The following GALNTL6 variants were observed in gnomAD, a reference collection of about 807,000 sequenced individuals.
GALNTL6 encodes the protein polypeptide N-acetylgalactosaminyltransferase-like 6.
GALNTL6 carries 46 observed loss-of-function variants against 73.7 expected under a neutral mutation model. The observed-to-expected ratio is 0.62, with a 90% CI of 0.49 to 0.80. GALNTL6 has a LOEUF of 0.80. Among genes scored for constraint, GALNTL6 ranks in the 30% least tolerant of loss-of-function variants. GALNTL6 has a pLI of 0.00. For missense variants in GALNTL6, 604 were observed against 755.0 expected (o/e 0.80, Z 2.34); for synonymous variants, 259 against 263.7 (o/e 0.98, Z 0.17).
At chr4:172,370,822 C>T (rs1364450230) in intron 5 of GALNTL6, among the ~76,000 whole-genome samples, 1 of 151,960 alleles carries the variant, frequency 6.6e-6, no homozygotes, top group African/African-American at 2.4e-5. Context: ...TATGGAGAGT[C>T]ACTGCTGCTA....
intron 5 of GALNTL6, among the ~76,000 whole-genome samples, chr4:172,522,148 A>T (rs1169278457): frequency 1.3e-5 from 2 of 152,202 alleles, no homozygotes; most frequent in African/African-American, 4.8e-5. Context: ...TGAAATTTTG[A>T]TTAAATCTTT....
intron 10 of GALNTL6, among the ~76,000 whole-genome samples, chr4:172,959,112 T>C (rs984493034): frequency 6.6e-5 from 10 of 152,132 alleles, no homozygotes; most frequent in Non-Finnish European, 1.3e-4. Context: ...CGGGATGGGA[T>C]ATTGGCATTG....
At chr4:172,416,457 A>G (rs186268862) in intron 5 of GALNTL6, among the ~76,000 whole-genome samples, 1 of 152,196 alleles carries the variant, frequency 6.6e-6, no homozygotes, top group East Asian at 1.9e-4. Context: ...AAACGAATAC[A>G]ATGACCATTA....
At chr4:172,364,004 CTGTTA>C (rs1421846304) in intron 5 of GALNTL6, among the ~76,000 whole-genome samples, 8 of 152,248 alleles carry the variant, frequency 5.3e-5, no homozygotes, top group African/African-American at 1.9e-4. Flanking sequence ...ATCCCATCAT[CTGTTA>C]TGTTATTCCC....
At position 172,056,163 on chromosome 4, in the gene GALNTL6, C is replaced by T. The variant is rs115690506; in HGVS notation, c.139-173493C>T. On this transcript the variant is annotated intron_variant, in intron 2 of 12. Coordinates refer to ENST00000506823, the MANE Select transcript of GALNTL6 (RefSeq NM_001034845.3). The stretch of plus-strand genomic sequence containing the variant: ...TGACACTTAACGAAAAAAATGCTGC[C>T]ATTTAGCCATTTTATCACATAATAT... Among the ~76,000 whole-genome samples, 604 of 152,124 alleles carry T rather than the reference C, an allele frequency of 4.0e-3. 2 individuals are homozygous for T. The highest frequency in any genetic ancestry group is 0.012 in the African/African-American group (506 of 41,496).
intron 5 of GALNTL6, among the ~76,000 whole-genome samples, chr4:172,687,938 G>A (rs1733032445): frequency 6.6e-6 from 1 of 152,164 alleles, no homozygotes; most frequent in Non-Finnish European, 1.5e-5. Context: ...GAAACTCAAT[G>A]TGTATGGCCT....
At chr4:172,329,245 G>A (rs1741044148) in intron 4 of GALNTL6, among the ~76,000 whole-genome samples, 1 of 152,178 alleles carries the variant, frequency 6.6e-6, no homozygotes, top group Non-Finnish European at 1.5e-5. Context: ...CCTCTTACTG[G>A]GAGCTCTGTC....
intron 6 of GALNTL6, among the ~76,000 whole-genome samples, chr4:172,810,125 A>G (rs1283198878): frequency 6.6e-6 from 1 of 152,162 alleles, no homozygotes; most frequent in Non-Finnish European, 1.5e-5. Flanking sequence ...AGTTCTTTGT[A>G]TTTACATAGA....
At chr4:172,006,313 C>T (rs1317274422) in intron 2 of GALNTL6, among the ~76,000 whole-genome samples, 1 of 152,082 alleles carries the variant, frequency 6.6e-6, no homozygotes, top group African/African-American at 2.4e-5. Flanking sequence ...GTGCTTTGAG[C>T]TTTAGTGACT....
intron 5 of GALNTL6, among the ~76,000 whole-genome samples, chr4:172,659,305 T>C (rs1731251165): frequency 6.6e-6 from 1 of 152,190 alleles, no homozygotes; most frequent in South Asian, 2.1e-4. Flanking sequence ...AGTCATACAG[T>C]GTGTAATGAT....
At chr4:172,846,674 C>A (rs1399140953) in intron 7 of GALNTL6, among the ~76,000 whole-genome samples, 1 of 152,098 alleles carries the variant, frequency 6.6e-6, no homozygotes, top group East Asian at 1.9e-4. Flanking sequence ...AGCAATGAAC[C>A]TTTCATTTGT....
chr4:172,806,920 A>G (rs1740995170), intron 5 of GALNTL6, among the ~76,000 whole-genome samples: 1 of 152,220 alleles, frequency 6.6e-6, no homozygotes, highest in African/African-American at 2.4e-5. Flanking sequence ...CAGTAATGAG[A>G]TTATACAATT....
At chr4:171,952,535 T>A (rs1292565898) in intron 2 of GALNTL6, among the ~76,000 whole-genome samples, 1 of 152,076 alleles carries the variant, frequency 6.6e-6, no homozygotes, top group Non-Finnish European at 1.5e-5. Flanking sequence ...TATTATCAAG[T>A]TCAATTTTTT....
chr4:171,897,914 G>A (rs1257911638), intron 2 of GALNTL6, among the ~76,000 whole-genome samples: 1 of 151,036 alleles, frequency 6.6e-6, no homozygotes. Flanking sequence ...GTGACAGAGT[G>A]AGACTCTGTC....
intron 2 of GALNTL6, among the ~76,000 whole-genome samples, chr4:172,119,989 T>G (rs568615539): frequency 2.3e-4 from 35 of 152,174 alleles, no homozygotes; most frequent in Non-Finnish European, 1.3e-4. Context: ...CAACACATTT[T>G]GTAAAAATTG....
chr4:171,999,065 GTA>G (rs1740589540), intron 2 of GALNTL6, among the ~76,000 whole-genome samples: 4 of 152,240 alleles, frequency 2.6e-5, no homozygotes, highest in Admixed American at 2.6e-4. Flanking sequence ...ACGTCTTTTG[GTA>G]TTTCATTTGT....
At chr4:172,477,050 G>A (rs994884317) in intron 5 of GALNTL6, among the ~76,000 whole-genome samples, 1 of 150,238 alleles carries the variant, frequency 6.7e-6, no homozygotes, top group African/African-American at 2.4e-5. Context: ...TCAGCCTCCT[G>A]AGCTGGGACT....
chr4:172,748,148 T>C (rs1305241893), intron 5 of GALNTL6, among the ~76,000 whole-genome samples: 1 of 152,188 alleles, frequency 6.6e-6, no homozygotes, highest in Non-Finnish European at 1.5e-5. Flanking sequence ...TATATATACA[T>C]TTAAGAAAGA....
chr4:172,515,821 A>G (rs1283240771), intron 5 of GALNTL6, among the ~76,000 whole-genome samples: 2 of 152,196 alleles, frequency 1.3e-5, no homozygotes, highest in Non-Finnish European at 2.9e-5. Flanking sequence ...TTAGGGCCTC[A>G]GTTCTGAAGG....
Sources: gnomAD v4.1 joint callset for allele counts (sites outside exome capture counted in the v4.1 genomes callset) on GRCh38, gnomAD v4.1.1 for gene constraint, MANE v1.5 for transcripts, NCBI Gene and HGNC (gene_info 2026-07-23, HGNC 2026-07-21) for gene names.